The following TTC7A variants were observed in gnomAD, a reference collection of about 807,000 sequenced individuals.
TTC7A encodes the protein tetratricopeptide repeat protein 7A.
TTC7A carries 110 observed loss-of-function variants against 103.7 expected under a neutral mutation model. That is an observed-to-expected ratio of 1.06 (90% CI 0.91 to 1.24). The LOEUF (loss-of-function observed/expected upper bound fraction) is 1.24. Ranked by LOEUF, TTC7A falls within the 50% of genes most tolerant of loss-of-function variation. The pLI is 0.00. For missense variants in TTC7A, 1,340 were observed against 1,116.3 expected, an observed-to-expected ratio of 1.20 and a Z score of -2.86; for synonymous variants, 521 against 467.9, an observed-to-expected ratio of 1.11 and a Z score of -1.47.
chr2:47,049,064 C>T (rs1017049979), intron 16 of TTC7A, among the ~76,000 whole-genome samples: 1 of 152,152 alleles, frequency 6.6e-6, no homozygotes, highest in Non-Finnish European at 1.5e-5. Context: ...GCCTGAGTTA[C>T]GATGGCAAGG....
intron 3 of TTC7A, 54 bp downstream of exon 3, chr2:46,957,061 T>A: frequency 1.2e-6 from 2 of 1,602,136 alleles, no homozygotes; most frequent in Non-Finnish European, 1.7e-6. Context: ...CTCGTTGCAC[T>A]CTGACTCCCA....
intron 8 of TTC7A, chr2:46,999,494 A>T: frequency 2.0e-6 from 2 of 985,454 alleles, no homozygotes; most frequent in Non-Finnish European, 2.4e-6. Flanking sequence ...AAGGAGCTAC[A>T]GCATGCGGGA....
chr2:47,051,828 G>T lies in TTC7A; in HGVS notation c.2100G>T (p.Lys700Asn). ...TGACTATGCCCTCTTCGGTCCTGAA[G>T]CAGGGCCCCATGCAGCTGTGGACCA... ...SELTMPSSVL[K>N]QGPMQLWTTL... The change falls in exon 18 of 20, where the codon AAG becomes AAT. Residue 700 changes from lysine (K) to asparagine (N), a missense_variant. Transcript: ENST00000319190. 1.2e-6 allele frequency: 2 copies of T among 1,612,240 alleles called. No individual in the cohort carries two copies. Among genetic ancestry groups the T allele is most frequent in the Non-Finnish European group, 1.7e-6 (2 of 1,179,786 alleles).
intron 5 of TTC7A, among the ~76,000 whole-genome samples, chr2:46,982,377 A>G (rs1194130854): frequency 6.9e-6 from 1 of 145,814 alleles, no homozygotes; most frequent in Non-Finnish European, 1.5e-5. Context: ...CTCTGTCAAG[A>G]AAAAAAAAAA....
intron 13 of TTC7A, 131 bp from the exon 14 acceptor site, chr2:47,024,156 C>A: frequency 1.3e-6 from 1 of 751,614 alleles, no homozygotes; most frequent in Non-Finnish European, 2.0e-6. Context: ...CCCTCTGAGG[C>A]AGAGCCTGGC....
At position 46,974,995 on chromosome 2, in the gene TTC7A, C is replaced by G; in HGVS notation, c.540C>G (p.Pro180=). The G allele has an allele frequency of 6.2e-7, 1 of 1,613,946 alleles. No individual in the cohort carries two copies. The highest frequency in any genetic ancestry group is 8.5e-7 in the Non-Finnish European group (1 of 1,179,906). Residue 180 remains proline (P), a synonymous_variant, in exon 4 of 20, where the codon CCC becomes CCG. Coordinates refer to ENST00000319190, the MANE Select transcript of TTC7A (RefSeq NM_020458.4). ...VIKGLSLERL[P]NSIASRFRLT... Reference sequence around the variant, plus strand: ...CAGGCCTCTCTCTGGAACGCCTACCCAACTCCATCGCCTCCCGCTTCCGCC... The same window carrying G: ...CAGGCCTCTCTCTGGAACGCCTACCGAACTCCATCGCCTCCCGCTTCCGCC...
intron 12 of TTC7A, 144 bp from the exon 13 acceptor site, chr2:47,023,264 C>T: frequency 2.6e-6 from 2 of 780,830 alleles, no homozygotes; most frequent in Non-Finnish European, 4.1e-6. Context: ...GGCATTGGCC[C>T]AGGCTGCTGG....
intron 15 of TTC7A, 73 bp from the exon 16 acceptor site, chr2:47,046,242 T>G: frequency 8.2e-7 from 1 of 1,215,482 alleles, no homozygotes; most frequent in African/African-American, 1.5e-5. Flanking sequence ...GGAGCCGCCC[T>G]GGTGGGGCAG....
rs575482989 is a variant in TTC7A, at chr2:47,014,602, C to G, written c.1392+3167C>G. Among the ~76,000 whole-genome samples, 25 of 152,354 alleles carry G rather than the reference C, an allele frequency of 1.6e-4. 2 individuals carry two copies. Among genetic ancestry groups the G allele is most frequent in the Admixed American group, 5.2e-4 (8 of 15,308 alleles). ...GAGGCTCACAGTGAAAAGAATGGGT[C>G]TGCCTGGCAGGCAGGGGGTGTTCGT... On this transcript the variant is annotated intron_variant, in intron 11 of 19. Coordinates refer to ENST00000319190, the MANE Select transcript of TTC7A (RefSeq NM_020458.4).
intron 19 of TTC7A, among the ~76,000 whole-genome samples, chr2:47,062,570 G>C (rs1683876584): frequency 6.6e-6 from 1 of 152,226 alleles, no homozygotes; most frequent in Non-Finnish European, 1.5e-5. Context: ...GTGGGAGGGA[G>C]GGTGTGGGCT....
At chr2:46,923,045 G>C (rs1209718869) in intron 2 of TTC7A, among the ~76,000 whole-genome samples, 1 of 152,186 alleles carries the variant, frequency 6.6e-6, no homozygotes, top group Admixed American at 6.5e-5. Context: ...CATAGGGTGA[G>C]GTCTGGAAGG....
At chr2:47,056,321 G>A (rs1023698508) in intron 18 of TTC7A, among the ~76,000 whole-genome samples, 1 of 152,236 alleles carries the variant, frequency 6.6e-6, no homozygotes, top group African/African-American at 2.4e-5. Flanking sequence ...GCTAGCCATG[G>A]TGAATTCTTT....
At chr2:46,916,170 C>A in exon 1 of TTC7A, 1 of 985,364 alleles carries the variant, frequency 1.0e-6, no homozygotes, top group Non-Finnish European at 1.2e-6. Flanking sequence ...CTATACAGGG[C>A]TCTTGGTTCA....
chr2:46,974,192 G>A (rs1243787765), intron 3 of TTC7A, among the ~76,000 whole-genome samples: 1 of 152,234 alleles, frequency 6.6e-6, no homozygotes, highest in Admixed American at 6.5e-5. Flanking sequence ...TTAGCTTAGG[G>A]GAAAAGGTAC....
At chr2:47,052,625 T>C (rs1381320047) in intron 18 of TTC7A, among the ~76,000 whole-genome samples, 1 of 152,124 alleles carries the variant, frequency 6.6e-6, no homozygotes, top group Non-Finnish European at 1.5e-5. Flanking sequence ...AAATTTACCC[T>C]GACAGTAGTG....
Position 47,049,542 on chromosome 2 carries a change from T to C in TTC7A, c.1920-407T>C, listed in dbSNP as rs533685443. 5.3e-5 allele frequency among the ~76,000 whole-genome samples: 8 copies of C among 151,938 alleles called. No individual in the cohort carries two copies. The East Asian group carries it at 9.7e-4, about 19-fold the overall frequency. On this transcript the variant is annotated intron_variant, in intron 16 of 19. Coordinates refer to ENST00000319190, the MANE Select transcript of TTC7A (RefSeq NM_020458.4). ...GGGTGACATCCGGGCCCTTTTTCCATAGGGGTTTGGGGGTTGCAGCACTTC... is the reference window on the plus strand; with the variant it reads ...GGGTGACATCCGGGCCCTTTTTCCACAGGGGTTTGGGGGTTGCAGCACTTC...
intron 15 of TTC7A, among the ~76,000 whole-genome samples, chr2:47,036,914 C>T (rs991199749): frequency 6.6e-6 from 1 of 152,192 alleles, no homozygotes; most frequent in Admixed American, 6.5e-5. Context: ...TCTGGGAGAC[C>T]TAGATCACTC....
intron 15 of TTC7A, among the ~76,000 whole-genome samples, 187 bp from the exon 16 acceptor site, chr2:47,046,128 G>A (rs145188014): frequency 6.6e-6 from 1 of 152,246 alleles, no homozygotes; most frequent in African/African-American, 2.4e-5. Flanking sequence ...AGCAAAGATG[G>A]GGAGAAACTG....
At chr2:47,064,574 C>T (rs1684038221) in intron 19 of TTC7A, among the ~76,000 whole-genome samples, 1 of 152,240 alleles carries the variant, frequency 6.6e-6, no homozygotes, top group African/African-American at 2.4e-5. Flanking sequence ...CGGCAGCCTG[C>T]ACTCCTCTTG....
Sources: allele counts gnomAD v4.1 joint callset (sites outside exome capture counted in the v4.1 genomes callset), GRCh38; gene constraint gnomAD v4.1.1; transcripts MANE v1.5; gene names NCBI Gene and HGNC (gene_info 2026-07-23, HGNC 2026-07-21).